RSU1: variants seen among roughly 807,000 people sequenced by gnomAD.
RSU1 encodes rsu-1.
RSU1 carries 26 observed loss-of-function variants against 31.1 expected under a neutral mutation model. The observed-to-expected ratio is 0.84, with a 90% CI of 0.61 to 1.16. The LOEUF (loss-of-function observed/expected upper bound fraction) is 1.16, where lower values mean the gene tolerates loss of function less well. RSU1 is among the 50% of genes most tolerant of loss of function. RSU1 has a pLI of 0.00. For missense variants in RSU1, 320 were observed against 339.1 expected (o/e 0.94, Z 0.44); for synonymous variants, 164 against 136.3 (o/e 1.20, Z -1.41).
At chr10:16,769,886 C>A (rs1472227407) in intron 3 of RSU1, among the ~76,000 whole-genome samples, 1 of 152,224 alleles carries the variant, frequency 6.6e-6, no homozygotes, top group Non-Finnish European at 1.5e-5. Flanking sequence ...CAATCAAACC[C>A]TTTCTAGTCA....
In RSU1 at chr10:16,592,106, G is replaced by T. The variant is rs932103791; in HGVS notation, c.*1288C>A. The T allele has an allele frequency of 6.6e-6, 1 of 151,346 alleles. No homozygotes were observed. The highest frequency in any genetic ancestry group is 2.5e-5 in the African/African-American group (1 of 40,708). The allele number at this position is 151,346 out of a possible 1,614,324, so 9.4% of individuals were successfully genotyped here. ...ATATGCCCCAGTGGGTCCTGGTCTTGGGAGCTCAACTGGGAAGCCGAAAGG... is the reference window on the plus strand; with the variant it reads ...ATATGCCCCAGTGGGTCCTGGTCTTTGGAGCTCAACTGGGAAGCCGAAAGG... On this transcript the variant is annotated 3_prime_UTR_variant, in exon 9 of 9. Transcript: ENST00000345264.
intron 3 of RSU1, among the ~76,000 whole-genome samples, chr10:16,777,552 T>C (rs1488531742): frequency 3.9e-5 from 6 of 152,162 alleles, no homozygotes; most frequent in Admixed American, 2.6e-4. Flanking sequence ...ACAAAATTTA[T>C]TCTCACAACA....
intron 7 of RSU1, among the ~76,000 whole-genome samples, chr10:16,732,053 A>G (rs1233358846): frequency 2.6e-5 from 4 of 152,206 alleles, no homozygotes; most frequent in Non-Finnish European, 5.9e-5. Flanking sequence ...GTACAGTATC[A>G]GTAGCTTCCA....
chr10:16,690,738 T>G (rs74740092), intron 8 of RSU1, among the ~76,000 whole-genome samples: 1 of 152,184 alleles, frequency 6.6e-6, no homozygotes, highest in Non-Finnish European at 1.5e-5. Context: ...ACGCCGATCA[T>G]AGACATGAAT....
chr10:16,624,786 C>A (rs1237530788), intron 8 of RSU1, among the ~76,000 whole-genome samples: 2 of 152,102 alleles, frequency 1.3e-5, no homozygotes, highest in Non-Finnish European at 2.9e-5. Context: ...AGTCTGGTCC[C>A]ATGCACACAA....
At chr10:16,594,203 T>G (rs1833565409) in intron 8 of RSU1, among the ~76,000 whole-genome samples, 1 of 152,040 alleles carries the variant, frequency 6.6e-6, no homozygotes, top group Non-Finnish European at 1.5e-5. Flanking sequence ...TTGATATAAC[T>G]GTGTCTCCAA....
intron 7 of RSU1, among the ~76,000 whole-genome samples, chr10:16,695,734 C>G (rs548068200): frequency 1.4e-4 from 21 of 152,258 alleles, no homozygotes; most frequent in African/African-American, 4.8e-4. Flanking sequence ...ATTTCATTCT[C>G]CAGCAATCTG....
chr10:16,645,739 G>A (rs553975487), intron 8 of RSU1, among the ~76,000 whole-genome samples: 5 of 150,580 alleles, frequency 3.3e-5, no homozygotes, highest in East Asian at 3.9e-4. Flanking sequence ...CTCGGGAGGC[G>A]GAGGTTGCAG....
In RSU1 at chr10:16,600,554, G is replaced by GTT. The variant is rs113657359; in HGVS notation, c.732-7060_732-7059dup. On this transcript the variant is annotated intron_variant, in intron 8 of 8. Coordinates refer to ENST00000345264, the MANE Select transcript of RSU1 (RefSeq NM_012425.4). Reference sequence around the variant, plus strand: ...GCATGATTTTCTATTACTGACACGTGTTTTTTTTTTTTTAGGGGGGGGTGG... The same window carrying GTT: ...GCATGATTTTCTATTACTGACACGTGTTTTTTTTTTTTTTTAGGGGGGGGTGG... Among the ~76,000 whole-genome samples the GTT allele has an allele frequency of 2.2e-5, 3 of 136,036 alleles. No individual in the cohort carries two copies. In the South Asian group the frequency reaches 6.8e-4, roughly 31 times the overall value. The allele number at this position is 136,036 out of a possible 152,430, so 89.2% of individuals were successfully genotyped here.
intron 2 of RSU1, among the ~76,000 whole-genome samples, chr10:16,788,291 C>G (rs1194319330): frequency 6.6e-6 from 1 of 152,216 alleles, no homozygotes; most frequent in Non-Finnish European, 1.5e-5. Flanking sequence ...ATGGCTCCCA[C>G]CTTGCTAGGG....
intron 2 of RSU1, among the ~76,000 whole-genome samples, chr10:16,805,639 G>A (rs753742819): frequency 3.6e-5 from 5 of 138,810 alleles, no homozygotes; most frequent in Non-Finnish European, 7.5e-5. Flanking sequence ...TCACGCCACT[G>A]CACTCCGACA....
At chr10:16,770,475 C>A (rs796618729) in intron 3 of RSU1, among the ~76,000 whole-genome samples, 4 of 152,306 alleles carry the variant, frequency 2.6e-5, no homozygotes, top group African/African-American at 9.6e-5. Context: ...GGCATGAAAT[C>A]TGGAGGTGAC....
chr10:16,808,884 G>C (rs1413098179), intron 2 of RSU1, among the ~76,000 whole-genome samples: 3 of 152,182 alleles, frequency 2.0e-5, no homozygotes, highest in African/African-American at 7.2e-5. Context: ...AACAGACTGA[G>C]GGACAGCAGG....
At chr10:16,669,483 G>C (rs1048300117) in intron 8 of RSU1, among the ~76,000 whole-genome samples, 1 of 151,956 alleles carries the variant, frequency 6.6e-6, no homozygotes, top group Non-Finnish European at 1.5e-5. Flanking sequence ...CCCACCCCAG[G>C]GAAAGCCAAG....
At chr10:16,605,741 G>A (rs539749871) in intron 8 of RSU1, among the ~76,000 whole-genome samples, 1 of 152,256 alleles carries the variant, frequency 6.6e-6, no homozygotes, top group African/African-American at 2.4e-5. Flanking sequence ...TATCCTCTGT[G>A]GTGGAACTCC....
intron 7 of RSU1, among the ~76,000 whole-genome samples, chr10:16,699,252 G>C (rs935541264): frequency 6.6e-6 from 1 of 152,144 alleles, no homozygotes; most frequent in Non-Finnish European, 1.5e-5. Flanking sequence ...TGTCACCGGT[G>C]GATAACACAA....
At chr10:16,601,598 G>A (rs144903805) in intron 8 of RSU1, among the ~76,000 whole-genome samples, 1 of 152,268 alleles carries the variant, frequency 6.6e-6, no homozygotes, top group African/African-American at 2.4e-5. Context: ...CCTTCCCAGT[G>A]TGTCCTACAC....
rs772010319 is a variant in RSU1 at position 16,752,606 on chromosome 10, C to A, written c.531G>T (p.Gly177=). The change falls in exon 7 of 9, where the codon GGG becomes GGT. Residue 177 remains glycine, a synonymous_variant. Coordinates refer to ENST00000345264, the MANE Select transcript of RSU1 (RefSeq NM_012425.4). ...GGAGCTCTTTAAGCTGGGTAAGCTC[C>A]CCGATTTCCTTAGGCAGCGAGATCA... The part of the protein sequence containing the change: ...NDLISLPKEI[G]ELTQLKELHI... The A allele has an allele frequency of 4.3e-6, 7 of 1,614,150 alleles. No homozygotes were observed. The South Asian group carries it at 6.6e-5, about 15-fold the overall frequency.
chr10:16,762,395 T>A (rs1395150963), intron 4 of RSU1, among the ~76,000 whole-genome samples: 1 of 151,802 alleles, frequency 6.6e-6, no homozygotes, highest in Non-Finnish European at 1.5e-5. Context: ...AGTTTTAGCT[T>A]CTTTCTCACA....
Sources: gnomAD v4.1 joint callset for allele counts (sites outside exome capture counted in the v4.1 genomes callset) on GRCh38, gnomAD v4.1.1 for gene constraint, MANE v1.5 for transcripts, NCBI Gene and HGNC (gene_info 2026-07-23, HGNC 2026-07-21) for gene names.